Variants in GABBR2 observed in about 807,000 individuals in gnomAD.
GABBR2 encodes G-protein coupled receptor 51.
In GABBR2, 23 loss-of-function variants were observed where a neutral mutation model predicts 105.6. The observed-to-expected ratio is 0.22, with a 90% CI of 0.16 to 0.31. The LOEUF is 0.31. Ranked by LOEUF, GABBR2 falls within the 10% of genes least tolerant of loss-of-function variation. GABBR2 has a pLI of 1.00. For synonymous variants in GABBR2, 478 were observed against 499.7 expected, an observed-to-expected ratio of 0.96 and a Z score of 0.58; for missense variants, 734 against 1,245.5, an observed-to-expected ratio of 0.59 and a Z score of 6.18.
chr9:98,492,774 G>C (rs1484373072), intron 4 of GABBR2, among the ~76,000 whole-genome samples: 2 of 152,148 alleles, frequency 1.3e-5, no homozygotes, highest in Non-Finnish European at 2.9e-5. Context: ...ATGGGATTTG[G>C]GGAAGAAGAC....
In GABBR2 at chr9:98,568,138, T is replaced by TG. The variant is rs538226568; in HGVS notation, c.459+9796dup. On this transcript the variant is annotated intron_variant, in intron 2 of 18. Coordinates refer to ENST00000259455, the MANE Select transcript of GABBR2 (RefSeq NM_005458.8). The stretch of plus-strand genomic sequence containing the variant: ...ATCTCCACCCCTTCCACCAAAGGAG[T>TG]GGGGGTTTGGATCATGAAGGGCAGT... Among the ~76,000 whole-genome samples, 264 of 150,318 alleles carry TG rather than the reference T, an allele frequency of 1.8e-3. 7 individuals are homozygous for TG. The South Asian group carries it at 0.022, about 13-fold the overall frequency.
intron 1 of GABBR2, among the ~76,000 whole-genome samples, chr9:98,691,086 C>T (rs893210696): frequency 6.6e-6 from 1 of 152,196 alleles, no homozygotes; most frequent in East Asian, 1.9e-4. Context: ...TTTAAAATCC[C>T]TCCTGGGCCC....
chr9:98,613,345 C>G (rs10987057), intron 1 of GABBR2, among the ~76,000 whole-genome samples: 4,421 of 151,744 alleles, frequency 0.029, 79 homozygotes, highest in African/African-American at 0.05. Context: ...GAGGCTGAGG[C>G]ACAAGAATCG....
intron 7 of GABBR2, among the ~76,000 whole-genome samples, chr9:98,426,501 C>T (rs529428730): frequency 6.6e-6 from 1 of 152,296 alleles, no homozygotes; most frequent in Admixed American, 6.5e-5. Context: ...GATGAGTCAC[C>T]AGTTGAGCCC....
intron 13 of GABBR2, among the ~76,000 whole-genome samples, chr9:98,336,338 A>T (rs1831114141): frequency 6.6e-6 from 1 of 152,226 alleles, no homozygotes; most frequent in African/African-American, 2.4e-5. Flanking sequence ...GACCTGTAGC[A>T]AGGTAAGAAG....
intron 7 of GABBR2, among the ~76,000 whole-genome samples, chr9:98,447,990 G>A (rs1826165843): frequency 6.6e-6 from 1 of 152,100 alleles, no homozygotes; most frequent in Admixed American, 6.5e-5. Context: ...GCCATCTGCT[G>A]TTCTTCATCA....
At chr9:98,633,282 C>T (rs984408204) in intron 1 of GABBR2, among the ~76,000 whole-genome samples, 1 of 152,072 alleles carries the variant, frequency 6.6e-6, no homozygotes, top group East Asian at 1.9e-4. Context: ...GAATGGCAGC[C>T]ATTTAAACCC....
chr9:98,367,313 A>T (rs529728064), intron 12 of GABBR2, among the ~76,000 whole-genome samples: 1,689 of 149,716 alleles, frequency 0.011, 17 homozygotes, highest in Admixed American at 0.021. Flanking sequence ...AAAAAAAAAA[A>T]AATAAGGGGG....
At chr9:98,344,375 C>T (rs1029481430) in intron 13 of GABBR2, among the ~76,000 whole-genome samples, 6 of 152,038 alleles carry the variant, frequency 3.9e-5, no homozygotes, top group African/African-American at 1.5e-4. Flanking sequence ...ACCTTTTTAA[C>T]ATATTTGGCA....
chr9:98,420,556 T>C (rs1360899503), intron 7 of GABBR2, among the ~76,000 whole-genome samples: 3 of 152,172 alleles, frequency 2.0e-5, no homozygotes, highest in African/African-American at 7.2e-5. Context: ...CAAGACTTAG[T>C]CCCTGCCCTC....
At chr9:98,543,106 T>G (rs1397787719) in intron 2 of GABBR2, among the ~76,000 whole-genome samples, 1 of 152,130 alleles carries the variant, frequency 6.6e-6, no homozygotes. Context: ...CTTTTTCTTT[T>G]AAGTGCCAGT....
chr9:98,302,538 T>A (rs1355142362), intron 16 of GABBR2, among the ~76,000 whole-genome samples: 1 of 152,226 alleles, frequency 6.6e-6, no homozygotes, highest in Non-Finnish European at 1.5e-5. Flanking sequence ...TTAGCCAGCA[T>A]TGTAACCAAT....
chr9:98,657,738 G>C (rs769095869), intron 1 of GABBR2, among the ~76,000 whole-genome samples: 2 of 152,250 alleles, frequency 1.3e-5, no homozygotes, highest in Non-Finnish European at 2.9e-5. Flanking sequence ...ACCAGGTGGA[G>C]GTAACTGGAT....
chr9:98,622,300 G>T (rs1829680175), intron 1 of GABBR2, among the ~76,000 whole-genome samples: 1 of 151,990 alleles, frequency 6.6e-6, no homozygotes, highest in South Asian at 2.1e-4. Flanking sequence ...GATTAGCTGG[G>T]ACTATAGGCG....
In GABBR2 at chr9:98,521,313, G is replaced by A. The variant is rs559453028; in HGVS notation, c.630+20560C>T. On this transcript the variant is annotated intron_variant, in intron 3 of 18. Coordinates refer to ENST00000259455, the MANE Select transcript of GABBR2 (RefSeq NM_005458.8). ...GCTCTCCTTCCTGAGAAAGTAGTGC[G>A]GTGCTGCAGGGAGGGTGGATGTGCT... 6.6e-5 allele frequency among the ~76,000 whole-genome samples: 10 copies of A among 152,188 alleles called. No homozygotes were observed. The East Asian group carries it at 7.7e-4, about 12-fold the overall frequency.
intron 3 of GABBR2, among the ~76,000 whole-genome samples, chr9:98,509,411 C>G (rs1827587247): frequency 1.3e-5 from 2 of 152,182 alleles, no homozygotes; most frequent in South Asian, 2.1e-4. Flanking sequence ...CAGAACAAAG[C>G]TGGATGGAGA....
At chr9:98,684,609 A>G (rs1830597448) in intron 1 of GABBR2, among the ~76,000 whole-genome samples, 2 of 152,206 alleles carry the variant, frequency 1.3e-5, no homozygotes, top group Non-Finnish European at 2.9e-5. Flanking sequence ...ATACCCAATG[A>G]TATCTATCAA....
chr9:98,641,048 C>T (rs1829953969), intron 1 of GABBR2, among the ~76,000 whole-genome samples: 2 of 152,082 alleles, frequency 1.3e-5, no homozygotes, highest in East Asian at 3.9e-4. Flanking sequence ...CCTGGGCTTC[C>T]TTCTCCCCTC....
At chr9:98,400,310 G>A (rs1027331976) in intron 8 of GABBR2, among the ~76,000 whole-genome samples, 6 of 151,852 alleles carry the variant, frequency 4.0e-5, no homozygotes, top group Admixed American at 6.6e-5. Flanking sequence ...TCAGAGAAAC[G>A]ATACGTAAAG....
Sources: allele counts gnomAD v4.1 joint callset (sites outside exome capture counted in the v4.1 genomes callset), GRCh38; gene constraint gnomAD v4.1.1; transcripts MANE v1.5; gene names NCBI Gene and HGNC (gene_info 2026-07-23, HGNC 2026-07-21).